Variants in PHYHIPL observed in about 807,000 individuals in gnomAD.
PHYHIPL encodes phytanoyl-CoA 2-hydroxylase interacting protein like, also known as phytanoyl-CoA hydroxylase-interacting protein-like.
Under a neutral mutation model 33.4 loss-of-function variants are expected in PHYHIPL, and 9 were observed. The ratio of observed to expected loss-of-function variants is 0.27; its 90% confidence interval spans 0.16 to 0.47. The LOEUF is 0.47. Ranked by LOEUF, PHYHIPL falls within the 20% of genes least tolerant of loss-of-function variation. The probability of loss-of-function intolerance (pLI) is 0.99; values close to 1 mark genes in which losing one functional copy is unlikely to be tolerated. For missense variants in PHYHIPL, 365 were observed against 460.7 expected, an observed-to-expected ratio of 0.79 and a Z score of 1.90; for synonymous variants, 153 against 154.1, an observed-to-expected ratio of 0.99 and a Z score of 0.05.
At chr10:59,238,163 G>A (rs1840283075) in intron 3 of PHYHIPL, among the ~76,000 whole-genome samples, 2 of 151,916 alleles carry the variant, frequency 1.3e-5, no homozygotes, top group Admixed American at 6.6e-5. Context: ...AGCATCTTGT[G>A]TACCCAAGTC....
chr10:59,179,540 A>G lies in PHYHIPL; in HGVS notation c.106+2581A>G, dbSNP rs546006727. On this transcript the variant is annotated intron_variant, in intron 1 of 4. Transcript: ENST00000373880. ...CCCTGGAAGTGGAATAAAATAGAAT[A>G]GGGGAAAGTATAGTTATGTTCTCCA... 5.3e-5 allele frequency among the ~76,000 whole-genome samples: 8 copies of G among 152,302 alleles called. No individual in the cohort carries two copies. The East Asian group carries it at 1.5e-3, about 29-fold the overall frequency.
chr10:59,217,745 A>G (rs1839657895), intron 1 of PHYHIPL, among the ~76,000 whole-genome samples: 1 of 152,060 alleles, frequency 6.6e-6, no homozygotes, highest in African/African-American at 2.4e-5. Context: ...ATTTATGATG[A>G]TTCATAACCA....
rs369566299 is a variant in PHYHIPL at position 59,205,503 on chromosome 10, A to T, written c.106+28544A>T. ...ATGTAGTCACCTATTTTGTGAACTCATCATGTAAAGCATATTTGTGAGTAT... is the reference window on the plus strand; with the variant it reads ...ATGTAGTCACCTATTTTGTGAACTCTTCATGTAAAGCATATTTGTGAGTAT... On this transcript the variant is annotated intron_variant, in intron 1 of 4. Transcript: ENST00000373880. Among the ~76,000 whole-genome samples, 12 of 152,328 alleles carry T rather than the reference A, an allele frequency of 7.9e-5. No homozygotes were observed. The East Asian group carries it at 1.2e-3, about 15-fold the overall frequency.
At chr10:59,240,531 T>G (rs904587588) in intron 4 of PHYHIPL, among the ~76,000 whole-genome samples, 3 of 151,852 alleles carry the variant, frequency 2.0e-5, no homozygotes, top group African/African-American at 7.3e-5. Flanking sequence ...AAGATCAACA[T>G]TCAAAGTACA....
rs1840665079 is a variant in PHYHIPL, at chr10:59,245,980, A to ATAAC, written c.*391_*394dup. The ATAAC allele has an allele frequency of 6.1e-6, 1 of 165,016 alleles. No individual in the cohort carries two copies. The highest frequency in any genetic ancestry group is 1.3e-5 in the Non-Finnish European group (1 of 76,118). 10.2% of individuals were successfully genotyped at this position (165,016 alleles called of 1,614,324 possible). On this transcript the variant is annotated 3_prime_UTR_variant, in exon 5 of 5. Coordinates refer to ENST00000373880, the MANE Select transcript of PHYHIPL (RefSeq NM_032439.4). ...TTTAATCTACTGAACAAATATTGGG[A>ATAAC]TAACTCCAAACCGCATGAAAGGGTG...
intron 3 of PHYHIPL, among the ~76,000 whole-genome samples, chr10:59,237,821 CTT>C (rs1564459422): frequency 1.3e-5 from 2 of 151,830 alleles, no homozygotes; most frequent in Non-Finnish European, 2.9e-5. Context: ...ATATTTATCT[CTT>C]CTCTTAGATT....
chr10:59,226,607 T>C (rs2133269629), intron 1 of PHYHIPL, among the ~76,000 whole-genome samples: 1 of 152,284 alleles, frequency 6.6e-6, no homozygotes, highest in South Asian at 2.1e-4. Flanking sequence ...GGCAGAGGTG[T>C]CCTATAGGGA....
intron 1 of PHYHIPL, chr10:59,221,572 C>A: frequency 4.0e-6 from 2 of 500,248 alleles, no homozygotes; most frequent in Non-Finnish European, 5.2e-6. Context: ...CTGGATATGG[C>A]TAAGAGAGAT....
chr10:59,177,031 C>A, intron 1 of PHYHIPL, 72 bp downstream of exon 1: 1 of 1,318,496 alleles, frequency 7.6e-7, no homozygotes, highest in Non-Finnish European at 1.1e-6. Context: ...CTGGCTCCGC[C>A]GACGCCGCTC....
chr10:59,209,362 A>T (rs1839381642), intron 1 of PHYHIPL, among the ~76,000 whole-genome samples: 1 of 152,208 alleles, frequency 6.6e-6, no homozygotes, highest in African/African-American at 2.4e-5. Context: ...AAAATTCTTT[A>T]CAGAGAAGCA....
At chr10:59,192,557 AGT>A (rs1589263081) in intron 1 of PHYHIPL, among the ~76,000 whole-genome samples, 1 of 152,298 alleles carries the variant, frequency 6.6e-6, no homozygotes. Context: ...GTTTAGATAC[AGT>A]GTTCTGACAT....
intron 1 of PHYHIPL, among the ~76,000 whole-genome samples, chr10:59,225,921 C>A (rs1394609067): frequency 6.6e-6 from 1 of 151,898 alleles, no homozygotes; most frequent in African/African-American, 2.4e-5. Context: ...TAAGAAAAAA[C>A]AAAATGAGAC....
intron 1 of PHYHIPL, among the ~76,000 whole-genome samples, chr10:59,199,578 T>C (rs1839034700): frequency 2.0e-5 from 3 of 152,216 alleles, no homozygotes; most frequent in Non-Finnish European, 4.4e-5. Context: ...AGTAGTTTTT[T>C]CCAATTCTGT....
At chr10:59,242,643 G>A (rs1487905788) in intron 4 of PHYHIPL, among the ~76,000 whole-genome samples, 1 of 152,060 alleles carries the variant, frequency 6.6e-6, no homozygotes, top group Non-Finnish European at 1.5e-5. Flanking sequence ...CATAAAAATG[G>A]TTCAAGAAGC....
chr10:59,193,012 C>T (rs943401737), intron 1 of PHYHIPL, among the ~76,000 whole-genome samples: 1 of 152,054 alleles, frequency 6.6e-6, no homozygotes, highest in Non-Finnish European at 1.5e-5. Flanking sequence ...TGGTAGTACT[C>T]TCTGAGTTAT....
chr10:59,177,444 A>C (rs1838284830), intron 1 of PHYHIPL: 1 of 1,500,698 alleles, frequency 6.7e-7, no homozygotes. Flanking sequence ...CCAAATTAAC[A>C]AGTCTTTTTA....
At chr10:59,206,886 TC>T (rs1839297967) in intron 1 of PHYHIPL, 4 of 833,808 alleles carry the variant, frequency 4.8e-6, no homozygotes, top group Non-Finnish European at 6.0e-6. Context: ...GTTTTTGACT[TC>T]CCCAAATTAT....
At chr10:59,231,422 A>G (rs1840075953) in intron 1 of PHYHIPL, among the ~76,000 whole-genome samples, 1 of 152,164 alleles carries the variant, frequency 6.6e-6, no homozygotes, top group South Asian at 2.1e-4. Flanking sequence ...AGCAAATAGA[A>G]GTAAGAAAGC....
upstream of PHYHIPL, among the ~76,000 whole-genome samples, chr10:59,173,895 T>TG (rs1564696319): frequency 7.2e-6 from 1 of 139,474 alleles, no homozygotes; most frequent in African/African-American, 2.7e-5. Context: ...GGTCAGAAGA[T>TG]GAGAGGAAAA....
Sources: allele counts gnomAD v4.1 joint callset (sites outside exome capture counted in the v4.1 genomes callset), GRCh38; gene constraint gnomAD v4.1.1; transcripts MANE v1.5; gene names NCBI Gene and HGNC (gene_info 2026-07-23, HGNC 2026-07-21).